PDE4DIP: variants seen among roughly 807,000 people sequenced by gnomAD.
PDE4DIP encodes the protein phosphodiesterase 4D interacting protein, also known as myomegalin.
In PDE4DIP, 59 loss-of-function variants were observed where a neutral mutation model predicts 221.4. The observed-to-expected ratio is 0.27, with a 90% CI of 0.22 to 0.33. The LOEUF is 0.33. Ranked by LOEUF, PDE4DIP falls within the 10% of genes least tolerant of loss-of-function variation. The pLI, the probability that PDE4DIP is intolerant of heterozygous loss-of-function variation, is 1.00. For synonymous variants in PDE4DIP, 404 were observed against 815.9 expected (o/e 0.50, Z 8.60); for missense variants, 1,036 against 2,154.2 (o/e 0.48, Z 10.28).
At chr1:149,032,433 A>G (rs1252297031) in exon 44 of PDE4DIP, 1 of 431,948 alleles carries the variant, frequency 2.3e-6, no homozygotes, top group Non-Finnish European at 4.3e-6. Flanking sequence ...CAGGTTCTAA[A>G]AGCACACTAC....
At position 148,929,499 on chromosome 1, in the gene PDE4DIP, A is replaced by G. The variant is rs587722351; in HGVS notation, c.218+226A>G. The G allele has an allele frequency of 1.8e-5, 9 of 505,838 alleles. No homozygotes were observed. The Admixed American group carries it at 2.5e-4, about 14-fold the overall frequency. The allele number at this position is 505,838 out of a possible 1,614,324, so 31.3% of individuals were successfully genotyped here. On this transcript the variant is annotated intron_variant, in intron 2 of 43. Transcript: ENST00000369354. ...AGTTGGTAAATCCACCAGACCTAAG[A>G]CTGCAAACTTCCTATCAGTCAGCAA...
At chr1:148,950,111 C>G (rs1463160607) in intron 5 of PDE4DIP, among the ~76,000 whole-genome samples, 1 of 152,084 alleles carries the variant, frequency 6.6e-6, no homozygotes, top group Non-Finnish European at 1.5e-5. Flanking sequence ...AGGGTTTGCT[C>G]TTGAAGAGCA....
chr1:148,925,197 A>AGGG (rs1333705055), intron 1 of PDE4DIP, among the ~76,000 whole-genome samples: 2 of 70,142 alleles, frequency 2.9e-5, no homozygotes, highest in Non-Finnish European at 4.7e-5. Context: ...AGGGCAGGTG[A>AGGG]CTTGTCAAGC....
chr1:148,969,855 C>CA lies in PDE4DIP; in HGVS notation c.1980+826dup, dbSNP rs587713221. Among the ~76,000 whole-genome samples the CA allele has an allele frequency of 4.5e-4, 68 of 152,072 alleles. 1 individual carries two copies. In the South Asian group the frequency reaches 0.012, roughly 27 times the overall value. On this transcript the variant is annotated intron_variant, in intron 14 of 43. Transcript: ENST00000369354. ...CCAAGTAGCTGGGATTACAGGCATG[C>CA]ACCACCATGCCCGCTAAGTTTTGTA...
At chr1:148,995,888 TAAAA>T (rs587748053) in intron 22 of PDE4DIP, among the ~76,000 whole-genome samples, 1 of 122,130 alleles carries the variant, frequency 8.2e-6, no homozygotes, top group East Asian at 2.4e-4. Flanking sequence ...AAATAAAAAA[TAAAA>T]AAAGAAATAA....
chr1:148,989,857 T>C (rs1160472543), intron 21 of PDE4DIP, among the ~76,000 whole-genome samples: 1 of 152,194 alleles, frequency 6.6e-6, no homozygotes, highest in Non-Finnish European at 1.5e-5. Context: ...ATCCTGGTTT[T>C]CAGTAGGTTT....
chr1:148,923,732 C>G (rs1463813232), intron 1 of PDE4DIP, among the ~76,000 whole-genome samples: 3 of 146,036 alleles, frequency 2.1e-5, no homozygotes, highest in Non-Finnish European at 3.0e-5. Context: ...CTCGGCCTCC[C>G]AAAGTTCTGG....
exon 31 of PDE4DIP, chr1:149,010,540 C>A (rs782150534): frequency 1.1e-5 from 17 of 1,613,934 alleles, no homozygotes; most frequent in Non-Finnish European, 1.3e-5. Context: ...ACAGCAACCC[C>A]ATCAGCTTGC....
exon 44 of PDE4DIP, chr1:149,032,064 C>T (rs113954821): frequency 1.9e-6 from 3 of 1,609,898 alleles, no homozygotes; most frequent in African/African-American, 1.3e-5. Flanking sequence ...GCCTGTCCCC[C>T]TTTTGTGCAG....
intron 21 of PDE4DIP, among the ~76,000 whole-genome samples, chr1:148,987,413 CATTA>C (rs587619398): frequency 2.0e-5 from 3 of 152,242 alleles, no homozygotes; most frequent in African/African-American, 7.2e-5. Context: ...AGCACCATAA[CATTA>C]AAGTCAGCAA....
At chr1:148,944,876 A>G (rs1331039213) in intron 5 of PDE4DIP, among the ~76,000 whole-genome samples, 1 of 151,928 alleles carries the variant, frequency 6.6e-6, no homozygotes, top group Non-Finnish European at 1.5e-5. Context: ...GTCTCGGAAA[A>G]AAACAAAACA....
At chr1:148,985,075 GTAGAAATTGTACTAGA>G (rs2061687345) in intron 21 of PDE4DIP, 7 of 152,228 alleles carry the variant, frequency 4.6e-5, no homozygotes, top group African/African-American at 1.7e-4. Context: ...ATTTTACCTT[GTAGAAATTGTACTAGA>G]GATAGAACAA....
chr1:148,959,996 A>AT (rs1478927961), intron 5 of PDE4DIP, among the ~76,000 whole-genome samples: 3 of 151,516 alleles, frequency 2.0e-5, no homozygotes, highest in Admixed American at 6.6e-5. Context: ...CACTGTCTGT[A>AT]TTTGCACAGT....
At chr1:149,020,645 A>T (rs587652427) in intron 36 of PDE4DIP, 3 of 366,156 alleles carry the variant, frequency 8.2e-6, no homozygotes, top group African/African-American at 6.2e-5. Context: ...GATATAGGAC[A>T]TTAGTCTCAC....
intron 2 of PDE4DIP, among the ~76,000 whole-genome samples, chr1:148,865,422 C>T (rs1353414553): frequency 9.0e-5 from 9 of 99,998 alleles, no homozygotes; most frequent in South Asian, 3.1e-4. Context: ...TTTGCATTTA[C>T]GTATAAACAT....
chr1:149,020,584 T>A, intron 36 of PDE4DIP: 1 of 296,960 alleles, frequency 3.4e-6, no homozygotes, highest in Non-Finnish European at 6.4e-6. Context: ...GTTATAGAAG[T>A]CTTCAGTATA....
At chr1:148,998,244 T>C (rs1553568374) in exon 23 of PDE4DIP, 3 of 1,597,040 alleles carry the variant, frequency 1.9e-6, no homozygotes, top group Non-Finnish European at 1.7e-6. Flanking sequence ...ACAGGTGTCT[T>C]CAGGAAGAAA....
chr1:148,944,023 A>T (rs1254748545), intron 5 of PDE4DIP, among the ~76,000 whole-genome samples: 2 of 152,344 alleles, frequency 1.3e-5, no homozygotes, highest in East Asian at 3.9e-4. Flanking sequence ...ATTTCAACAT[A>T]TGAATTTGGA....
intron 5 of PDE4DIP, among the ~76,000 whole-genome samples, chr1:148,946,249 GAA>G (rs1288531503): frequency 2.1e-5 from 3 of 145,886 alleles, no homozygotes; most frequent in Admixed American, 6.9e-5. Flanking sequence ...CATCAGATTA[GAA>G]AAGAGGGAAG....
Sources: allele counts gnomAD v4.1 joint callset (sites outside exome capture counted in the v4.1 genomes callset), GRCh38; gene constraint gnomAD v4.1.1; transcripts MANE v1.5; gene names NCBI Gene and HGNC (gene_info 2026-07-23, HGNC 2026-07-21).